PDSS2: variants seen among roughly 807,000 people sequenced by gnomAD.
PDSS2 encodes the protein all trans-polyprenyl-diphosphate synthase PDSS2.
Under a neutral mutation model 44.5 loss-of-function variants are expected in PDSS2, and 31 were observed. That is an observed-to-expected ratio of 0.70 (90% confidence interval 0.52 to 0.94). The LOEUF is 0.94. PDSS2 is among the 40% of genes least tolerant of loss of function. PDSS2 has a pLI of 0.00. For synonymous variants in PDSS2, 157 were observed against 180.3 expected, an observed-to-expected ratio of 0.87 and a Z score of 1.03; for missense variants, 452 against 482.2, an observed-to-expected ratio of 0.94 and a Z score of 0.59.
chr6:107,270,208 G>A (rs755070476), intron 3 of PDSS2, among the ~76,000 whole-genome samples: 63 of 151,830 alleles, frequency 4.1e-4, no homozygotes, highest in Non-Finnish European at 7.8e-4. Context: ...ACCCAGGTTC[G>A]AGCGATTCTC....
chr6:107,314,665 T>C (rs1403337674), intron 2 of PDSS2, among the ~76,000 whole-genome samples: 1 of 152,206 alleles, frequency 6.6e-6, no homozygotes, highest in East Asian at 1.9e-4. Context: ...TTTCCTTCAT[T>C]TGCGTCTCAT....
At chr6:107,265,217 T>C (rs1226599001) in intron 3 of PDSS2, among the ~76,000 whole-genome samples, 5 of 152,198 alleles carry the variant, frequency 3.3e-5, no homozygotes, top group Admixed American at 6.5e-5. Flanking sequence ...GGGAAAATAA[T>C]TGACTCTGCT....
chr6:107,445,286 T>C (rs1193485176), intron 1 of PDSS2, among the ~76,000 whole-genome samples: 3 of 152,058 alleles, frequency 2.0e-5, no homozygotes, highest in Non-Finnish European at 4.4e-5. Context: ...AAGGGGACAG[T>C]TGATGCATGT....
At chr6:107,373,579 G>A (rs1390017741) in intron 1 of PDSS2, among the ~76,000 whole-genome samples, 1 of 152,094 alleles carries the variant, frequency 6.6e-6, no homozygotes, top group African/African-American at 2.4e-5. Flanking sequence ...TTCTCCAGCT[G>A]GGCCTATCTA....
At chr6:107,365,702 C>T (rs1359812251) in intron 1 of PDSS2, among the ~76,000 whole-genome samples, 1 of 152,064 alleles carries the variant, frequency 6.6e-6, no homozygotes, top group Admixed American at 6.5e-5. Flanking sequence ...TGCAAACAGT[C>T]ACCACAATAG....
At chr6:107,189,144 C>T (rs2114503784) in intron 7 of PDSS2, among the ~76,000 whole-genome samples, 1 of 152,248 alleles carries the variant, frequency 6.6e-6, no homozygotes, top group East Asian at 1.9e-4. Context: ...GCCTCTCAGG[C>T]TCAAGCAATC....
At chr6:107,332,784 C>A (rs1455894978) in intron 2 of PDSS2, among the ~76,000 whole-genome samples, 1 of 152,070 alleles carries the variant, frequency 6.6e-6, no homozygotes, top group Non-Finnish European at 1.5e-5. Context: ...TTATAAGAAC[C>A]AAATGGAATA....
In PDSS2 at chr6:107,334,526, CGTTGTT is replaced by C. The variant is rs67310767; in HGVS notation, c.297-200_297-195del. Among the ~76,000 whole-genome samples, 5,702 of 149,078 alleles carry C rather than the reference CGTTGTT, an allele frequency of 0.038. 300 individuals are homozygous for C. The highest frequency in any genetic ancestry group is 0.12 in the African/African-American group (4,867 of 40,258). On this transcript the variant is annotated intron_variant, in intron 1 of 7. Coordinates refer to ENST00000369037, the MANE Select transcript of PDSS2 (RefSeq NM_020381.4). The stretch of plus-strand genomic sequence containing the variant: ...AAACAACTAGAGAAATCTACGGCTG[CGTTGTT>C]GTTGTTGTTGTTGTTGTTGTTGTTT...
rs1266797596 is a variant in PDSS2, at chr6:107,376,532, TG to T, written c.297-42201del. The stretch of plus-strand genomic sequence containing the variant: ...TTATTCTCTTTGAAGCAATTGTGAA[TG>T]GGGGTTCACTCATGATTTGGCTCTC... On this transcript the variant is annotated intron_variant, in intron 1 of 7. Coordinates refer to ENST00000369037, the MANE Select transcript of PDSS2 (RefSeq NM_020381.4). Among the ~76,000 whole-genome samples, 3 of 152,190 alleles carry T rather than the reference TG, an allele frequency of 2.0e-5. No individual in the cohort carries two copies. The East Asian group carries it at 5.8e-4, about 29-fold the overall frequency.
chr6:107,457,613 CA>C (rs554005483), intron 1 of PDSS2, among the ~76,000 whole-genome samples: 4 of 152,170 alleles, frequency 2.6e-5, no homozygotes, highest in Admixed American at 6.5e-5. Flanking sequence ...CAAATGTCCT[CA>C]GGGGGGGAAA....
chr6:107,439,197 A>C (rs1278831263), intron 1 of PDSS2, among the ~76,000 whole-genome samples: 1 of 152,266 alleles, frequency 6.6e-6, no homozygotes, highest in Non-Finnish European at 1.5e-5. Context: ...AATCTGGAAA[A>C]GCTGCAATGA....
At chr6:107,158,529 A>G (rs936434278) in intron 7 of PDSS2, among the ~76,000 whole-genome samples, 1 of 151,984 alleles carries the variant, frequency 6.6e-6, no homozygotes, top group African/African-American at 2.4e-5. Context: ...ACTTAATACT[A>G]AACTCCATCA....
At chr6:107,354,127 A>C (rs1484030240) in intron 1 of PDSS2, among the ~76,000 whole-genome samples, 3 of 152,190 alleles carry the variant, frequency 2.0e-5, no homozygotes, top group African/African-American at 7.2e-5. Context: ...TTTCTTTTAA[A>C]TAAACACATG....
At chr6:107,210,019 A>T (rs1773142915) in intron 6 of PDSS2, among the ~76,000 whole-genome samples, 1 of 151,922 alleles carries the variant, frequency 6.6e-6, no homozygotes, top group Non-Finnish European at 1.5e-5. Flanking sequence ...TTCAGGGTCC[A>T]AGTTTGTTTT....
At chr6:107,446,001 GC>G (rs1437664769) in intron 1 of PDSS2, among the ~76,000 whole-genome samples, 2 of 151,954 alleles carry the variant, frequency 1.3e-5, no homozygotes, top group Non-Finnish European at 2.9e-5. Flanking sequence ...GATTTGAAGT[GC>G]TTTTTTTAAG....
chr6:107,349,154 C>T (rs962808107), intron 1 of PDSS2, among the ~76,000 whole-genome samples: 3 of 152,174 alleles, frequency 2.0e-5, no homozygotes, highest in Admixed American at 6.5e-5. Flanking sequence ...CAAATAAGGC[C>T]GGGTGCAGTG....
chr6:107,267,819 C>T (rs775121155), intron 3 of PDSS2, among the ~76,000 whole-genome samples: 16 of 151,930 alleles, frequency 1.1e-4, no homozygotes, highest in Non-Finnish European at 1.5e-5. Flanking sequence ...TCTCCAACTC[C>T]TGGGCTCAAG....
At chr6:107,298,685 A>T (rs1429511361) in intron 2 of PDSS2, among the ~76,000 whole-genome samples, 1 of 152,198 alleles carries the variant, frequency 6.6e-6, no homozygotes, top group Non-Finnish European at 1.5e-5. Context: ...GTTTGTACAG[A>T]TGCATACATA....
chr6:107,454,823 G>A (rs1479822618), intron 1 of PDSS2, among the ~76,000 whole-genome samples: 2 of 152,008 alleles, frequency 1.3e-5, no homozygotes, highest in Non-Finnish European at 2.9e-5. Context: ...AAATACAGCT[G>A]CTTAATCCTT....
Sources: allele counts gnomAD v4.1 joint callset (sites outside exome capture counted in the v4.1 genomes callset), GRCh38; gene constraint gnomAD v4.1.1; transcripts MANE v1.5; gene names NCBI Gene and HGNC (gene_info 2026-07-23, HGNC 2026-07-21).